The following GRID2 variants were observed in gnomAD, a reference collection of about 807,000 sequenced individuals.
The protein encoded by GRID2 is glutamate ionotropic receptor delta type subunit 2.
GRID2 carries 33 observed loss-of-function variants against 114.8 expected under a neutral mutation model. The observed-to-expected ratio is 0.29, with a 90% CI of 0.22 to 0.38. The LOEUF (loss-of-function observed/expected upper bound fraction) is 0.38, where lower values mean the gene tolerates loss of function less well. GRID2 is among the 10% of genes least tolerant of loss of function. The probability of loss-of-function intolerance (pLI) is 1.00; values close to 1 mark genes in which losing one functional copy is unlikely to be tolerated. For missense variants in GRID2, 1,184 were observed against 1,257.7 expected (o/e 0.94, Z 0.89); for synonymous variants, 505 against 449.9 (o/e 1.12, Z -1.55).
intron 2 of GRID2, among the ~76,000 whole-genome samples, chr4:92,869,555 T>C (rs1441308917): frequency 6.6e-6 from 1 of 152,174 alleles, no homozygotes; most frequent in African/African-American, 2.4e-5. Context: ...AGATCTAACA[T>C]TCTTTTTTAA....
chr4:92,788,372 T>G (rs914262129), intron 2 of GRID2, among the ~76,000 whole-genome samples: 10 of 151,908 alleles, frequency 6.6e-5, no homozygotes, highest in Admixed American at 5.3e-4. Context: ...TGAAGTGGTT[T>G]TGATAGAGAA....
At chr4:92,581,215 A>G (rs1306586035) in intron 1 of GRID2, among the ~76,000 whole-genome samples, 1 of 141,158 alleles carries the variant, frequency 7.1e-6, no homozygotes, top group Non-Finnish European at 1.5e-5. Context: ...TTTTTTTTTT[A>G]GAAATAGTCA....
chr4:93,393,772 A>G (rs1765073379), intron 8 of GRID2, among the ~76,000 whole-genome samples: 1 of 152,018 alleles, frequency 6.6e-6, no homozygotes, highest in South Asian at 2.1e-4. Context: ...CAATACACCA[A>G]AATGGTACAG....
rs1486787585 is a variant in GRID2 at position 93,524,823 on chromosome 4, G to GTGTATA, written c.2193+9413_2193+9414insGTATAT. On this transcript the variant is annotated intron_variant, in intron 13 of 15. Coordinates refer to ENST00000282020, the MANE Select transcript of GRID2 (RefSeq NM_001510.4). ...TATATATATATATATATGTATGTAT[G>GTGTATA]TATATATATATATATATATATATAT... is the stretch of plus-strand genomic sequence containing the variant. Among the ~76,000 whole-genome samples the GTGTATA allele has an allele frequency of 8.3e-5, 5 of 59,918 alleles. 2 individuals carry two copies. Among genetic ancestry groups the GTGTATA allele is most frequent in the Non-Finnish European group, 1.5e-4 (5 of 33,898 alleles). The allele number at this position is 59,918 out of a possible 152,430, so 39.3% of individuals were successfully genotyped here.
intron 2 of GRID2, among the ~76,000 whole-genome samples, chr4:92,839,851 G>C (rs1400951681): frequency 1.3e-5 from 2 of 152,006 alleles, no homozygotes; most frequent in Non-Finnish European, 2.9e-5. Flanking sequence ...CTATCGTACA[G>C]ATTAAGTCTG....
intron 2 of GRID2, among the ~76,000 whole-genome samples, chr4:92,924,473 C>T (rs919017603): frequency 2.0e-5 from 3 of 151,470 alleles, no homozygotes; most frequent in African/African-American, 4.8e-5. Flanking sequence ...TGTAAGAAAT[C>T]GTCACCATTT....
chr4:92,652,806 A>AATAT lies in GRID2; in HGVS notation c.244+62534_244+62537dup, dbSNP rs1160778704. Among the ~76,000 whole-genome samples the AATAT allele has an allele frequency of 7.1e-4, 97 of 136,076 alleles. 4 individuals carry two copies. Among genetic ancestry groups the AATAT allele is most frequent in the African/African-American group, 2.2e-3 (79 of 36,636 alleles). 89.3% of individuals were successfully genotyped at this position (136,076 alleles called of 152,430 possible). A position where few individuals can be genotyped will look rare whatever the true frequency, so the allele number is the denominator to read the frequency against. On this transcript the variant is annotated intron_variant, in intron 2 of 15. Coordinates refer to ENST00000282020, the MANE Select transcript of GRID2 (RefSeq NM_001510.4). The stretch of plus-strand genomic sequence containing the variant: ...GCCTGGCCAAGATGGTGAAAAAAAA[A>AATAT]ATATATATATATATATAAATATATA...
intron 2 of GRID2, among the ~76,000 whole-genome samples, chr4:92,777,353 G>A (rs370983054): frequency 2.6e-5 from 4 of 151,832 alleles, no homozygotes; most frequent in African/African-American, 9.7e-5. Flanking sequence ...GTTTTGCTTT[G>A]TGTGGTAATA....
chr4:92,418,403 C>T (rs1731725959), intron 1 of GRID2, among the ~76,000 whole-genome samples: 1 of 151,946 alleles, frequency 6.6e-6, no homozygotes, highest in Non-Finnish European at 1.5e-5. Flanking sequence ...AGCGTCAAGA[C>T]AAGGATGGGG....
intron 1 of GRID2, among the ~76,000 whole-genome samples, chr4:92,390,314 G>A (rs968760856): frequency 3.0e-4 from 46 of 151,914 alleles, no homozygotes; most frequent in Admixed American, 3.9e-4. Flanking sequence ...AAGAATAACC[G>A]CCCCAAGATC....
At chr4:93,006,277 C>A (rs1242710013) in intron 2 of GRID2, among the ~76,000 whole-genome samples, 3 of 151,974 alleles carry the variant, frequency 2.0e-5, no homozygotes, top group African/African-American at 7.2e-5. Flanking sequence ...GGAGCCCACA[C>A]TGAATTAGAA....
intron 1 of GRID2, among the ~76,000 whole-genome samples, chr4:92,319,667 G>A (rs915767931): frequency 7.2e-5 from 11 of 152,198 alleles, no homozygotes; most frequent in African/African-American, 2.7e-4. Context: ...AAGCAGAGAA[G>A]AAATAATACT....
At chr4:92,350,410 T>C (rs1435610016) in intron 1 of GRID2, among the ~76,000 whole-genome samples, 1 of 151,846 alleles carries the variant, frequency 6.6e-6, no homozygotes, top group Non-Finnish European at 1.5e-5. Context: ...ATGTACAATT[T>C]CACATTTTTA....
At chr4:92,354,319 G>T (rs370035432) in intron 1 of GRID2, among the ~76,000 whole-genome samples, 6 of 151,936 alleles carry the variant, frequency 3.9e-5, no homozygotes, top group Admixed American at 1.3e-4. Context: ...CTGTCTTATA[G>T]AGTTCTGACA....
intron 8 of GRID2, among the ~76,000 whole-genome samples, chr4:93,264,794 TA>T (rs1199918609): frequency 6.8e-6 from 1 of 146,984 alleles, no homozygotes; most frequent in East Asian, 2.0e-4. Flanking sequence ...AATATATATT[TA>T]TTTTTTGAGA....
chr4:92,578,110 C>A (rs62310093), intron 1 of GRID2, among the ~76,000 whole-genome samples: 52,959 of 124,756 alleles, frequency 0.42, 11,354 homozygotes, highest in Middle Eastern at 0.49. Flanking sequence ...TCTTCTTCTT[C>A]TTCTTTTTCT....
In GRID2 at chr4:92,935,320, C is replaced by T. The variant is rs1164158198; in HGVS notation, c.245-149675C>T. On this transcript the variant is annotated intron_variant, in intron 2 of 15. Transcript: ENST00000282020. The stretch of plus-strand genomic sequence containing the variant: ...CACTGGCCATCAGAGAAATGCAAAT[C>T]AAAACCACAATGAGATACCATCTCA... 5.4e-5 allele frequency among the ~76,000 whole-genome samples: 8 copies of T among 147,188 alleles called. 3 individuals are homozygous for T. The Admixed American group carries it at 5.9e-4, about 11-fold the overall frequency.
intron 14 of GRID2, among the ~76,000 whole-genome samples, chr4:93,684,960 G>T (rs980128294): frequency 6.6e-6 from 1 of 152,012 alleles, no homozygotes; most frequent in African/African-American, 2.4e-5. Context: ...GGTGGTAAAA[G>T]GCTCTCTTGT....
intron 1 of GRID2, among the ~76,000 whole-genome samples, chr4:92,362,344 T>C (rs1181875727): frequency 7.6e-6 from 1 of 131,226 alleles, no homozygotes; most frequent in Non-Finnish European, 1.8e-5. Flanking sequence ...GGAAGTATGA[T>C]TTTTTTTGCC....
Sources: gnomAD v4.1 joint callset for allele counts (sites outside exome capture counted in the v4.1 genomes callset) on GRCh38, gnomAD v4.1.1 for gene constraint, MANE v1.5 for transcripts, NCBI Gene and HGNC (gene_info 2026-07-23, HGNC 2026-07-21) for gene names.